The following ADGRE3 variants were observed in gnomAD, a reference collection of about 807,000 sequenced individuals.
The protein encoded by ADGRE3 is adhesion G protein-coupled receptor E3.
In ADGRE3, 88 loss-of-function variants were observed where a neutral mutation model predicts 80.1. The observed-to-expected ratio is 1.10, with a 90% CI of 0.93 to 1.31. ADGRE3 has a LOEUF of 1.31. Among genes scored for constraint, ADGRE3 ranks in the 40% most tolerant of loss-of-function variants. The pLI, the probability that ADGRE3 is intolerant of heterozygous loss-of-function variation, is 0.00. For synonymous variants in ADGRE3, 281 were observed against 294.8 expected (o/e 0.95, Z 0.48); for missense variants, 715 against 776.5 (o/e 0.92, Z 0.94).
At chr19:14,669,757 C>T (rs532010964) in intron 1 of ADGRE3, among the ~76,000 whole-genome samples, 8 of 151,942 alleles carry the variant, frequency 5.3e-5, no homozygotes, top group Non-Finnish European at 8.8e-5. Flanking sequence ...CCCAAAGTGC[C>T]GGGATTACGG....
intron 15 of ADGRE3, among the ~76,000 whole-genome samples, chr19:14,620,568 A>ATATATATATATAT (rs1435435269): frequency 1.8e-4 from 2 of 11,054 alleles, no homozygotes; most frequent in African/African-American, 4.1e-4. Context: ...ATATATATAT[A>ATATATATATATAT]TTTTTTTTTT....
the ADGRE3 span, chr19:14,600,181 A>G: frequency 6.2e-7 from 1 of 1,613,918 alleles, no homozygotes; most frequent in African/African-American, 1.3e-5. Flanking sequence ...TTTGCTGAGC[A>G]CGTGAGTTCT....
the ADGRE3 span, among the ~76,000 whole-genome samples, chr19:14,600,463 T>C: frequency 6.6e-6 from 1 of 152,206 alleles, no homozygotes; most frequent in Non-Finnish European, 1.5e-5. Flanking sequence ...ATCTGTTAGG[T>C]AGCACTTTTT....
chr19:14,647,560 G>T (rs1451902750), intron 7 of ADGRE3, among the ~76,000 whole-genome samples, 195 bp from the exon 8 acceptor site: 3 of 151,542 alleles, frequency 2.0e-5, no homozygotes, highest in Non-Finnish European at 4.4e-5. Flanking sequence ...GGGATTACAG[G>T]CACTCACCAC....
At chr19:14,638,412 T>C (rs1971161144) in intron 10 of ADGRE3, 72 bp from the exon 11 acceptor site, 1 of 1,187,522 alleles carries the variant, frequency 8.4e-7, no homozygotes, top group Admixed American at 2.0e-5. Flanking sequence ...CTCCTTGACA[T>C]TGGCTTTGGG....
chr19:14,656,291 T>C (rs1196105791), intron 5 of ADGRE3, among the ~76,000 whole-genome samples: 1 of 147,660 alleles, frequency 6.8e-6, no homozygotes, highest in African/African-American at 2.5e-5. Context: ...GAGGCAGATG[T>C]TGTAGTGAGC....
intron 1 of ADGRE3, among the ~76,000 whole-genome samples, 169 bp downstream of exon 1, chr19:14,674,577 G>C (rs1325783250): frequency 6.6e-6 from 1 of 151,978 alleles, no homozygotes; most frequent in Non-Finnish European, 1.5e-5. Context: ...AGGGATATTC[G>C]AGAGCATACT....
intron 6 of ADGRE3, among the ~76,000 whole-genome samples, chr19:14,654,386 C>G (rs1345508226): frequency 2.0e-5 from 3 of 151,846 alleles, no homozygotes; most frequent in South Asian, 2.1e-4. Context: ...CCTCAGCCTC[C>G]CAAGTAGCTG....
intron 7 of ADGRE3, among the ~76,000 whole-genome samples, chr19:14,648,307 C>A (rs962358104): frequency 6.6e-5 from 10 of 152,146 alleles, no homozygotes; most frequent in Admixed American, 5.9e-4. Flanking sequence ...TGCCTGGGAA[C>A]TTCCATGGGC....
Position 14,664,979 on chromosome 19 carries a change from A to G in ADGRE3, c.77-1439T>C, listed in dbSNP as rs556599569. 7.3e-5 allele frequency among the ~76,000 whole-genome samples: 11 copies of G among 151,488 alleles called. No individual in the cohort carries two copies. The South Asian group carries it at 2.3e-3, about 32-fold the overall frequency. ...TACGTTATAGGAACATATTACACAT[A>G]CTGCTCTGTTCTTTGGTTTTCATGT... On this transcript the variant is annotated intron_variant, in intron 2 of 15. Coordinates refer to ENST00000253673, the MANE Select transcript of ADGRE3 (RefSeq NM_032571.5).
chr19:14,602,267 C>T, the ADGRE3 span, among the ~76,000 whole-genome samples: 83 of 151,812 alleles, frequency 5.5e-4, no homozygotes, highest in African/African-American at 1.9e-3. Context: ...TAATCTCTGG[C>T]TTTTAATTGG....
At chr19:14,610,725 T>C in the ADGRE3 span, 1 of 154,532 alleles carries the variant, frequency 6.5e-6, no homozygotes, top group African/African-American at 2.4e-5. Flanking sequence ...CTCACTATGT[T>C]GCCCAGGCCA....
intron 8 of ADGRE3, among the ~76,000 whole-genome samples, chr19:14,644,536 T>C (rs1467607086): frequency 2.0e-5 from 3 of 151,986 alleles, no homozygotes; most frequent in African/African-American, 7.3e-5. Context: ...CCCAGGCTGG[T>C]CTCGAACTCC....
chr19:14,637,895 G>A (rs1210013696), intron 11 of ADGRE3, among the ~76,000 whole-genome samples: 1 of 149,836 alleles, frequency 6.7e-6, no homozygotes, highest in Non-Finnish European at 1.5e-5. Flanking sequence ...TGTGCAGTGG[G>A]CATATGAACC....
At chr19:14,658,178 G>A (rs1363012524) in intron 5 of ADGRE3, among the ~76,000 whole-genome samples, 1 of 151,886 alleles carries the variant, frequency 6.6e-6, no homozygotes, top group Non-Finnish European at 1.5e-5. Context: ...TATCTATAGT[G>A]AGCTGGATAA....
At position 14,643,784 on chromosome 19, in the gene ADGRE3, C is replaced by T. The variant is rs377437472; in HGVS notation, c.1050+324G>A. On this transcript the variant is annotated intron_variant, in intron 9 of 15. Coordinates refer to ENST00000253673, the MANE Select transcript of ADGRE3 (RefSeq NM_032571.5). ...GGAGTGCAATGGCTTGCTCTCAGCT[C>T]CCTGAAACCTCTGCCTCCCAGGTTC... 6.6e-5 allele frequency among the ~76,000 whole-genome samples: 10 copies of T among 151,862 alleles called. No homozygotes were observed. The East Asian group carries it at 9.7e-4, about 15-fold the overall frequency.
Position 14,659,076 on chromosome 19 carries a change from C to T in ADGRE3, c.356-526G>A, listed in dbSNP as rs184272882. ...TTTTAGATAGGGTCTCATTCTGCTG[C>T]CTAGGCTGGAGTGCAGTGGCACAAT... is the stretch of plus-strand genomic sequence containing the variant. On this transcript the variant is annotated intron_variant, in intron 4 of 15. Transcript: ENST00000253673. 5.0e-4 allele frequency among the ~76,000 whole-genome samples: 75 copies of T among 150,930 alleles called. 1 individual carries two copies. In the East Asian group the frequency reaches 0.013, roughly 27 times the overall value.
chr19:14,671,356 A>G (rs1473917350), intron 1 of ADGRE3, among the ~76,000 whole-genome samples: 1 of 152,138 alleles, frequency 6.6e-6, no homozygotes, highest in South Asian at 2.1e-4. Context: ...TCCAGCTTCT[A>G]GAAGCTGCCT....
chr19:14,667,048 T>G (rs960022952), intron 2 of ADGRE3, among the ~76,000 whole-genome samples: 1 of 152,140 alleles, frequency 6.6e-6, no homozygotes, highest in African/African-American at 2.4e-5. Flanking sequence ...TGTCCCTTCA[T>G]GTAGTGTCAG....
Sources: gnomAD v4.1 joint callset for allele counts (sites outside exome capture counted in the v4.1 genomes callset) on GRCh38, gnomAD v4.1.1 for gene constraint, MANE v1.5 for transcripts, NCBI Gene and HGNC (gene_info 2026-07-23, HGNC 2026-07-21) for gene names.